Variants in NUP93 observed in about 807,000 individuals in gnomAD.
NUP93 encodes nucleoporin 93.
In NUP93, 55 loss-of-function variants were observed where a neutral mutation model predicts 107.8. That is an observed-to-expected ratio of 0.51 (90% CI 0.41 to 0.64). NUP93 has a LOEUF of 0.64. NUP93 is among the 30% of genes least tolerant of loss of function. The pLI, the probability that NUP93 is intolerant of heterozygous loss-of-function variation, is 0.00. For missense variants in NUP93, 937 were observed against 1,044.7 expected (o/e 0.90, Z 1.42); for synonymous variants, 390 against 397.5 (o/e 0.98, Z 0.22).
In NUP93 at chr16:56,848,240, T is replaced by A. The variant is rs1453455641; in HGVS notation, c.*3631T>A. 5 of 152,140 alleles carry A rather than the reference T, an allele frequency of 3.3e-5. No individual in the cohort carries two copies. In the East Asian group the frequency reaches 9.6e-4, roughly 29 times the overall value. 9.4% of individuals were successfully genotyped at this position (152,140 alleles called of 1,614,324 possible). On this transcript the variant is annotated 3_prime_UTR_variant, in exon 22 of 22. Transcript: ENST00000308159. ...GAAAATGAACCCCTGGGCTGGCGGG[T>A]TGACCCAGGCCTGACAAAGTCTTGG...
chr16:56,791,193 A>G (rs1163107618), intron 3 of NUP93, among the ~76,000 whole-genome samples: 5 of 152,150 alleles, frequency 3.3e-5, no homozygotes, highest in Admixed American at 6.5e-5. Context: ...GGTCTGTTTA[A>G]TGGAAAGAGA....
In NUP93 at chr16:56,844,702, GTGTTT is replaced by G. The variant is rs1964092246; in HGVS notation, c.*101_*105del. Reference sequence around the variant, plus strand: ...TGGGGTTTCTGGTTTTGTTTCTGTTGTGTTTTGTTTTGGTTTCTGTATTATGTATT... The same window carrying G: ...TGGGGTTTCTGGTTTTGTTTCTGTTGTGTTTTGGTTTCTGTATTATGTATT... On this transcript the variant is annotated 3_prime_UTR_variant, in exon 22 of 22. Transcript: ENST00000308159. 4 of 645,146 alleles carry G rather than the reference GTGTTT, an allele frequency of 6.2e-6. No homozygotes were observed. The highest frequency in any genetic ancestry group is 1.9e-5 in the African/African-American group (1 of 53,430). 40.0% of individuals were successfully genotyped at this position (645,146 alleles called of 1,614,324 possible).
intron 5 of NUP93, among the ~76,000 whole-genome samples, chr16:56,812,489 G>T (rs1469979417): frequency 6.6e-6 from 1 of 151,946 alleles, no homozygotes; most frequent in Non-Finnish European, 1.5e-5. Context: ...GACTACAGGC[G>T]CCCGCAACCA....
At chr16:56,754,809 T>C (rs1443734755) in intron 2 of NUP93, among the ~76,000 whole-genome samples, 2 of 152,206 alleles carry the variant, frequency 1.3e-5, no homozygotes, top group Non-Finnish European at 2.9e-5. Context: ...CACTGCTTAG[T>C]AGATTCTCCA....
At chr16:56,766,222 C>T (rs745688838) in intron 3 of NUP93, among the ~76,000 whole-genome samples, 13 of 152,146 alleles carry the variant, frequency 8.5e-5, no homozygotes, top group Non-Finnish European at 1.8e-4. Flanking sequence ...CAATTACCAA[C>T]TTAAAGAAGA....
At position 56,837,655 on chromosome 16, in the gene NUP93, C is replaced by G; in HGVS notation, c.1947C>G (p.Val649=). 1 of 1,614,172 alleles carries G rather than the reference C, an allele frequency of 6.2e-7. No homozygotes were observed. The highest frequency in any genetic ancestry group is 8.5e-7 in the Non-Finnish European group (1 of 1,180,006). ...TGATGAACAAACTGCTGAGCCCTGT[C>G]GTCCCCCAGATCAGTGCCCCGCAAT... is the stretch of plus-strand genomic sequence containing the variant. ...LELMNKLLSP[V]VPQISAPQSN... Residue 649 remains valine (V), a synonymous_variant, in exon 18 of 22, where the codon GTC becomes GTG. Transcript: ENST00000308159.
chr16:56,833,435 A>G (rs774512718), intron 13 of NUP93, 29 bp downstream of exon 13: 5 of 1,485,974 alleles, frequency 3.4e-6, no homozygotes, highest in Non-Finnish European at 4.5e-6. Context: ...ATTGACAGTA[A>G]TGTAACCACA....
chr16:56,769,754 G>A (rs759499894), intron 3 of NUP93, among the ~76,000 whole-genome samples: 3 of 152,144 alleles, frequency 2.0e-5, no homozygotes, highest in African/African-American at 4.8e-5. Context: ...GATGCTAGAA[G>A]CAATTTAAAG....
intron 18 of NUP93, 50 bp downstream of exon 18, chr16:56,837,776 C>T (rs1474612500): frequency 1.8e-5 from 26 of 1,406,116 alleles, no homozygotes; most frequent in Non-Finnish European, 2.6e-5. Context: ...ACTGCCAGTG[C>T]CAGGCCACCT....
rs1442163413 is a variant in NUP93 at position 56,839,616 on chromosome 16, C to T, written c.2220+12C>T. 2 of 1,600,612 alleles carry T rather than the reference C, an allele frequency of 1.2e-6. No homozygotes were observed. The highest frequency in any genetic ancestry group is 2.7e-5 in the African/African-American group (2 of 74,598). Reference sequence around the variant, plus strand: ...ATTTCAGTGATGAAGTAAGTTCCTTCTTCCTGAGTTGTGGAATTCCTTTTT... The same window carrying T: ...ATTTCAGTGATGAAGTAAGTTCCTTTTTCCTGAGTTGTGGAATTCCTTTTT... On this transcript the variant is annotated intron_variant, in intron 20 of 21. Transcript: ENST00000308159.
intron 3 of NUP93, among the ~76,000 whole-genome samples, chr16:56,764,125 GA>G (rs1962177527): frequency 6.6e-6 from 1 of 152,154 alleles, no homozygotes; most frequent in Non-Finnish European, 1.5e-5. Context: ...TGGAAATGTA[GA>G]ATATGCTCAA....
rs57066407 is a variant in NUP93 at position 56,812,500 on chromosome 16, C to T, written c.490-6164C>T. Among the ~76,000 whole-genome samples the T allele has an allele frequency of 8.4e-3, 1,279 of 152,170 alleles. 25 individuals carry two copies. Among genetic ancestry groups the T allele is most frequent in the African/African-American group, 0.03 (1,235 of 41,496 alleles). ...CTGGGACTACAGGCGCCCGCAACCA[C>T]GCCTGGCTAATTTTTTGTATTTTTA... On this transcript the variant is annotated intron_variant, in intron 5 of 21. Transcript: ENST00000308159.
In NUP93 at chr16:56,849,152, G is replaced by T. The variant is rs113830686; in HGVS notation, c.*4543G>T. ...CTAGATTCAGACTCCGTGATTCACC[G>T]TGGGGGCCCTTAATAGGCATTCAGT... On this transcript the variant is annotated 3_prime_UTR_variant, in exon 22 of 22. Transcript: ENST00000308159. 1 of 152,194 alleles carries T rather than the reference G, an allele frequency of 6.6e-6. No homozygotes were observed. The highest frequency in any genetic ancestry group is 2.4e-5 in the African/African-American group (1 of 41,454). The allele number at this position is 152,194 out of a possible 1,614,324, so 9.4% of individuals were successfully genotyped here. A position where few individuals can be genotyped will look rare whatever the true frequency, so the allele number is the denominator to read the frequency against.
intron 1 of NUP93, among the ~76,000 whole-genome samples, chr16:56,747,355 A>ACC (rs1567374456): frequency 6.6e-6 from 1 of 152,216 alleles, no homozygotes; most frequent in Non-Finnish European, 1.5e-5. Flanking sequence ...GGTAGGAGTT[A>ACC]AAAACATTCT....
At chr16:56,814,028 A>G (rs2144594073) in intron 5 of NUP93, among the ~76,000 whole-genome samples, 1 of 152,294 alleles carries the variant, frequency 6.6e-6, no homozygotes, top group South Asian at 2.1e-4. Context: ...TTTTAAAGCT[A>G]ACTATTGTAA....
At chr16:56,752,483 A>G (rs1306177806) in intron 2 of NUP93, among the ~76,000 whole-genome samples, 2 of 152,178 alleles carry the variant, frequency 1.3e-5, no homozygotes, top group Non-Finnish European at 2.9e-5. Context: ...GGTAGAGAAA[A>G]GTATTTAGTA....
intron 2 of NUP93, among the ~76,000 whole-genome samples, chr16:56,758,209 T>C (rs1287710325): frequency 9.2e-5 from 14 of 152,182 alleles, no homozygotes. Flanking sequence ...TGGGGATGAA[T>C]GATAGCATGC....
chr16:56,765,048 G>GT (rs1198294584), intron 3 of NUP93, among the ~76,000 whole-genome samples: 2 of 152,160 alleles, frequency 1.3e-5, no homozygotes, highest in African/African-American at 4.8e-5. Flanking sequence ...CTGAGAAATG[G>GT]TTTAAGTAGG....
intron 1 of NUP93, among the ~76,000 whole-genome samples, chr16:56,734,726 G>T (rs569394280): frequency 2.6e-4 from 39 of 152,204 alleles, no homozygotes; most frequent in Non-Finnish European, 4.4e-4. Flanking sequence ...GTGTAGAAAT[G>T]AATTGCTAAT....
Sources: gnomAD v4.1 joint callset for allele counts (sites outside exome capture counted in the v4.1 genomes callset) on GRCh38, gnomAD v4.1.1 for gene constraint, MANE v1.5 for transcripts, NCBI Gene and HGNC (gene_info 2026-07-23, HGNC 2026-07-21) for gene names.